Variants in SH3BP1 observed in about 807,000 individuals in gnomAD.
SH3BP1 encodes SH3 domain binding protein 1, also known as SH3 domain-binding protein 1.
Under a neutral mutation model 69.8 loss-of-function variants are expected in SH3BP1, and 46 were observed. The ratio of observed to expected loss-of-function variants is 0.66; its 90% confidence interval spans 0.52 to 0.84. The LOEUF is 0.84. Among genes scored for constraint, SH3BP1 ranks in the 40% least tolerant of loss-of-function variants. The pLI is 0.00. For missense variants in SH3BP1, 868 were observed against 930.9 expected (o/e 0.93, Z 0.88); for synonymous variants, 403 against 378.0 (o/e 1.07, Z -0.77).
chr22:37,639,727 C>G lies in SH3BP1; in HGVS notation c.-61C>G, dbSNP rs1932509800. ...GCGCCGCAGGAGAGGCAGGCTGGAC[C>G]GGGGGCTCCCCGGGCCCGCGACCCC... On this transcript the variant is annotated 5_prime_UTR_variant, in exon 1 of 18. Coordinates refer to ENST00000649765, the MANE Select transcript of SH3BP1 (RefSeq NM_018957.6). 1.8e-6 allele frequency: 2 copies of G among 1,109,678 alleles called. No individual in the cohort carries two copies. Among genetic ancestry groups the G allele is most frequent in the South Asian group, 3.1e-5 (2 of 64,462 alleles). 68.7% of individuals were successfully genotyped at this position (1,109,678 alleles called of 1,614,324 possible).
At chr22:37,646,754 T>C in intron 10 of SH3BP1, 64 bp from the exon 11 acceptor site, 1 of 1,006,234 alleles carries the variant, frequency 9.9e-7, no homozygotes, top group Non-Finnish European at 1.4e-6. Context: ...AGGCTACAAG[T>C]GCGCCAGGGT....
Position 37,650,592 on chromosome 22 carries a change from ACAGT to A in SH3BP1, c.1470_1473del (p.Ser491ThrfsTer166). 1 of 1,614,054 alleles carries A rather than the reference ACAGT, an allele frequency of 6.2e-7. No homozygotes were observed. Among genetic ancestry groups the A allele is most frequent in the Non-Finnish European group, 8.5e-7 (1 of 1,180,010 alleles). ...CTTCTCAGCTGTTACCCTCCAGGACACAGTCAGTGACAGGCTGGCCTCTGAGGAA... is the reference window on the plus strand; with the variant it reads ...CTTCTCAGCTGTTACCCTCCAGGACACAGTGACAGGCTGGCCTCTGAGGAA... On this transcript the variant is annotated frameshift_variant, in exon 16 of 18. Coordinates refer to ENST00000649765, the MANE Select transcript of SH3BP1 (RefSeq NM_018957.6). LOFTEE classifies it high-confidence loss of function.
chr22:37,649,308 T>C (rs1932836110), intron 14 of SH3BP1, among the ~76,000 whole-genome samples: 1 of 152,022 alleles, frequency 6.6e-6, no homozygotes. Flanking sequence ...GGCAACTTAA[T>C]GAGACCCTGT....
At chr22:37,650,003 C>G in intron 14 of SH3BP1, 149 bp from the exon 15 acceptor site, 1 of 839,416 alleles carries the variant, frequency 1.2e-6, no homozygotes, top group Non-Finnish European at 2.1e-6. Flanking sequence ...ATGTGAGTGA[C>G]ACATTTACCA....
chr22:37,642,974 G>A lies in SH3BP1; in HGVS notation c.364G>A (p.Asp122Asn), dbSNP rs1388175864. The A allele has an allele frequency of 1.7e-5, 28 of 1,612,958 alleles. No individual in the cohort carries two copies. The highest frequency in any genetic ancestry group is 2.2e-5 in the Non-Finnish European group (26 of 1,179,988). The change falls in exon 5 of 18, where the codon GAC (aspartate) becomes AAC (asparagine). Residue 122 changes from aspartate (D) to asparagine (N), a missense_variant. By Grantham distance (23) the Asp-to-Asn change is conservative (BLOSUM62 1). Around this residue, in one of 3 missense-constraint regions of SH3BP1, gnomAD observed 387 missense variants for 447.9 expected, o/e 0.86. Coordinates refer to ENST00000649765, the MANE Select transcript of SH3BP1 (RefSeq NM_018957.6). Reference protein sequence around the residue: ...LAEFEMTLERDVLQPLSRLSE... With the variant: ...LAEFEMTLERNVLQPLSRLSE... ...CGAGTTTGAGATGACCCTGGAGAGG[G>A]ACGTCCTGCAGCCACTCAGCAGGCT...
Position 37,645,513 on chromosome 22 carries a change from G to T in SH3BP1, c.924+3G>T. Reference sequence around the variant, plus strand: ...TTTCTGAGGGCATGAAGGAAGAGGTGGGGTCCCCTGGGGCAGGTGGGGAAG... The same window carrying T: ...TTTCTGAGGGCATGAAGGAAGAGGTTGGGTCCCCTGGGGCAGGTGGGGAAG... On this transcript the variant is annotated splice_donor_region_variant and intron_variant, in intron 10 of 17. Transcript: ENST00000649765. 6.2e-7 allele frequency: 1 copy of T among 1,603,754 alleles called. No individual in the cohort carries two copies. Among genetic ancestry groups the T allele is most frequent in the East Asian group, 2.2e-5 (1 of 44,614 alleles).
intron 16 of SH3BP1, among the ~76,000 whole-genome samples, chr22:37,651,335 C>CTTT (rs796111906): frequency 1.5e-5 from 2 of 136,692 alleles, no homozygotes; most frequent in Non-Finnish European, 1.6e-5. Context: ...CACCCAGCCT[C>CTTT]TTTTTTTTTT....
intron 14 of SH3BP1, 95 bp from the exon 15 acceptor site, chr22:37,650,057 T>C (rs776312202): frequency 3.0e-6 from 4 of 1,346,616 alleles, no homozygotes; most frequent in Non-Finnish European, 4.3e-6. Flanking sequence ...GGACTCAATA[T>C]GATGGATCCT....
rs760164543 is a variant in SH3BP1, at chr22:37,655,291, C to T, written c.1713C>T (p.Ala571=). The T allele has an allele frequency of 1.3e-6, 2 of 1,578,118 alleles. No individual in the cohort carries two copies. Among genetic ancestry groups the T allele is most frequent in the South Asian group, 1.1e-5 (1 of 88,846 alleles). ...MARRTKRPAP[A]RPTMPPPQVS... is the part of the protein sequence containing the mutation. ...CAACAGCCAAGCGCCCGGCGCCAGC[C>T]CGGCCCACCATGCCGCCCCCCCAGG... The change falls in exon 18 of 18, where the codon GCC becomes GCT. Residue 571 remains alanine (A), a synonymous_variant. Transcript: ENST00000649765.
chr22:37,655,208 C>T lies in SH3BP1; in HGVS notation c.1694-64C>T, dbSNP rs895160305. On this transcript the variant is annotated intron_variant, in intron 17 of 17. Coordinates refer to ENST00000649765, the MANE Select transcript of SH3BP1 (RefSeq NM_018957.6). Reference sequence around the variant, plus strand: ...GCAAAGGTTGTGAGGGGGCACGGAGCTTGGTGGATTCACCACAGGCCACGT... The same window carrying T: ...GCAAAGGTTGTGAGGGGGCACGGAGTTTGGTGGATTCACCACAGGCCACGT... The T allele has an allele frequency of 2.4e-6, 3 of 1,236,346 alleles. No individual in the cohort carries two copies. In the African/African-American group the frequency reaches 4.6e-5, roughly 19 times the overall value. The allele number at this position is 1,236,346 out of a possible 1,614,324, so 76.6% of individuals were successfully genotyped here.
intron 15 of SH3BP1, 68 bp downstream of exon 15, chr22:37,650,317 C>A: frequency 6.5e-7 from 1 of 1,534,054 alleles, no homozygotes; most frequent in Non-Finnish European, 8.8e-7. Context: ...TCCCCTGTAG[C>A]CCCACAAACT....
intron 8 of SH3BP1, 34 bp from the exon 9 acceptor site, chr22:37,644,836 C>G (rs772511076): frequency 5.2e-5 from 83 of 1,611,314 alleles, no homozygotes; most frequent in Non-Finnish European, 5.8e-5. Flanking sequence ...CAGCTTCCCC[C>G]ACTTCCGCTC....
intron 14 of SH3BP1, 139 bp from the exon 15 acceptor site, chr22:37,650,013 A>G (rs1932847737): frequency 1.1e-6 from 1 of 898,804 alleles, no homozygotes; most frequent in South Asian, 1.3e-5. Context: ...CACATTTACC[A>G]TCAACTGGTG....
In SH3BP1 at chr22:37,639,736, C is replaced by T; in HGVS notation, c.-52C>T. ...GAGAGGCAGGCTGGACCGGGGGCTC[C>T]CCGGGCCCGCGACCCCCGCCGTGAC... On this transcript the variant is annotated 5_prime_UTR_variant, in exon 1 of 18. Transcript: ENST00000649765. 4 of 1,248,334 alleles carry T rather than the reference C, an allele frequency of 3.2e-6. No individual in the cohort carries two copies. Among genetic ancestry groups the T allele is most frequent in the Non-Finnish European group, 4.4e-6 (4 of 918,398 alleles). The allele number at this position is 1,248,334 out of a possible 1,614,324, so 77.3% of individuals were successfully genotyped here. A position where few individuals can be genotyped will look rare whatever the true frequency, so the allele number is the denominator to read the frequency against.
chr22:37,655,959 T>G lies in SH3BP1; in HGVS notation c.*275T>G. 1 of 1,550,292 alleles carries G rather than the reference T, an allele frequency of 6.5e-7. No individual in the cohort carries two copies. The highest frequency in any genetic ancestry group is 8.7e-7 in the Non-Finnish European group (1 of 1,149,766). ...GGAGCCACCGGAAGGAAGGAGAGGT[T>G]TGCCTGCTCCTACGGGACTGATTCT... On this transcript the variant is annotated 3_prime_UTR_variant, in exon 18 of 18. Coordinates refer to ENST00000649765, the MANE Select transcript of SH3BP1 (RefSeq NM_018957.6).
chr22:37,650,158 G>A lies in SH3BP1; in HGVS notation c.1323G>A (p.Gln441=), dbSNP rs1932850082. 1 of 1,614,118 alleles carries A rather than the reference G, an allele frequency of 6.2e-7. No individual in the cohort carries two copies. The highest frequency in any genetic ancestry group is 8.5e-7 in the Non-Finnish European group (1 of 1,180,034). The change falls in exon 15 of 18, where the codon CAG becomes CAA. Residue 441 remains glutamine (Q), a synonymous_variant. Coordinates refer to ENST00000649765, the MANE Select transcript of SH3BP1 (RefSeq NM_018957.6). ...LLWPPEKEGD[Q]AQLDAASVSS... ...ATGCATCTCTTTGTCCCAGGGACCAGGCCCAGCTGGATGCAGCCTCCGTGT... is the reference window on the plus strand; with the variant it reads ...ATGCATCTCTTTGTCCCAGGGACCAAGCCCAGCTGGATGCAGCCTCCGTGT...
Position 37,655,418 on chromosome 22 carries a change from C to T in SH3BP1, c.1840C>T (p.Leu614Phe). ...GCCCCGACGTCTGGTTGGCAGCAGC[C>T]TCCGAGCCCCCACAGTGCCACCCCC... ...ALPRRLVGSS[L>F]RAPTVPPPLP... Residue 614 changes from leucine to phenylalanine, a missense_variant, in exon 18 of 18, where the codon CTC (leucine) becomes TTC (phenylalanine). Leu to Phe is a conservative substitution (Grantham distance 22). This residue lies in a region of SH3BP1 where 474 missense variants were observed against 462.3 expected (regional missense o/e 1.03). Transcript: ENST00000649765. 1 of 1,456,108 alleles carries T rather than the reference C, an allele frequency of 6.9e-7. No individual in the cohort carries two copies. 90.2% of individuals were successfully genotyped at this position (1,456,108 alleles called of 1,614,324 possible). A position where few individuals can be genotyped will look rare whatever the true frequency, so the allele number is the denominator to read the frequency against.
chr22:37,641,098 T>TGGCCCC, intron 1 of SH3BP1, 28 bp from the exon 2 acceptor site: 1 of 946,798 alleles, frequency 1.1e-6, no homozygotes, highest in African/African-American at 2.1e-5. Context: ...AGAAGCACTC[T>TGGCCCC]CCCCCCCCCC....
chr22:37,643,256 C>A, intron 6 of SH3BP1, 82 bp downstream of exon 6: 1 of 1,214,316 alleles, frequency 8.2e-7, no homozygotes, highest in Non-Finnish European at 1.2e-6. Context: ...CCTGGCCACA[C>A]CAGGAGGATG....
Sources: allele counts gnomAD v4.1 joint callset (sites outside exome capture counted in the v4.1 genomes callset), GRCh38; gene constraint gnomAD v4.1.1; regional missense constraint gnomAD v4.1.1; transcripts MANE v1.5; gene names NCBI Gene and HGNC (gene_info 2026-07-23, HGNC 2026-07-21).